The following HECA variants were observed in gnomAD, a reference collection of about 807,000 sequenced individuals.
The protein encoded by HECA is HECA ribonucleoprotein granule regulator.
Under a neutral mutation model 37.6 loss-of-function variants are expected in HECA, and 13 were observed. The ratio of observed to expected loss-of-function variants is 0.35; its 90% CI spans 0.23 to 0.55. HECA has a LOEUF of 0.55. Ranked by LOEUF, HECA falls within the 20% of genes least tolerant of loss-of-function variation. The pLI is 0.90. For missense variants in HECA, 527 were observed against 701.9 expected (o/e 0.75, Z 2.82); for synonymous variants, 307 against 291.5 (o/e 1.05, Z -0.54).
intron 1 of HECA, among the ~76,000 whole-genome samples, chr6:139,137,333 G>A (rs1774460092): frequency 6.6e-6 from 1 of 152,068 alleles, no homozygotes; most frequent in East Asian, 1.9e-4. Flanking sequence ...AAATTACCCT[G>A]GCTCCCTCCT....
At chr6:139,170,665 G>A (rs1286521224) in intron 2 of HECA, 1 of 152,224 alleles carries the variant, frequency 6.6e-6, no homozygotes, top group Non-Finnish European at 1.5e-5. Context: ...TCTAGAGTGG[G>A]AAAGGAGTAG....
At chr6:139,145,033 C>G (rs991013774) in intron 1 of HECA, among the ~76,000 whole-genome samples, 8 of 152,176 alleles carry the variant, frequency 5.3e-5, no homozygotes, top group Non-Finnish European at 7.3e-5. Flanking sequence ...TTTTTCGTAC[C>G]TAGGTAGAAA....
intron 3 of HECA, among the ~76,000 whole-genome samples, chr6:139,174,851 A>G (rs1450902459): frequency 6.6e-6 from 1 of 152,172 alleles, no homozygotes; most frequent in Admixed American, 6.5e-5. Context: ...CTGTTACCAG[A>G]TGGTCTCAGT....
At position 139,180,034 on chromosome 6, in the gene HECA, T is replaced by G. The variant is rs931503395; in HGVS notation, c.*2929T>G. The G allele has an allele frequency of 6.6e-6, 1 of 152,234 alleles. No individual in the cohort carries two copies. The highest frequency in any genetic ancestry group is 2.4e-5 in the African/African-American group (1 of 41,466). The allele number at this position is 152,234 out of a possible 1,614,324, so 9.4% of individuals were successfully genotyped here. A position where few individuals can be genotyped will look rare whatever the true frequency, so the allele number is the denominator to read the frequency against. ...CAGGCCATCTCACCTCTTCATTCTC[T>G]TGTTACATTTGAAGCAGTTGATATA... is the stretch of plus-strand genomic sequence containing the variant. On this transcript the variant is annotated 3_prime_UTR_variant, in exon 4 of 4. Coordinates refer to ENST00000367658, the MANE Select transcript of HECA (RefSeq NM_016217.3).
In HECA at chr6:139,178,422, GA is replaced by G. The variant is rs777198169; in HGVS notation, c.*1319del. The G allele has an allele frequency of 2.0e-5, 3 of 151,230 alleles. No individual in the cohort carries two copies. The highest frequency in any genetic ancestry group is 4.4e-5 in the Non-Finnish European group (3 of 67,936). The allele number at this position is 151,230 out of a possible 1,614,324, so 9.4% of individuals were successfully genotyped here. On this transcript the variant is annotated 3_prime_UTR_variant, in exon 4 of 4. Coordinates refer to ENST00000367658, the MANE Select transcript of HECA (RefSeq NM_016217.3). ...TGTATGATGTGCATATATGCTAAAA[GA>G]ATGCAGAAAATCATTTTATGAATAG... is the stretch of plus-strand genomic sequence containing the variant.
chr6:139,137,414 T>C (rs1255096917), intron 1 of HECA, among the ~76,000 whole-genome samples: 1 of 152,186 alleles, frequency 6.6e-6, no homozygotes, highest in Non-Finnish European at 1.5e-5. Flanking sequence ...AAAGGTTACA[T>C]ATATAATGAG....
intron 1 of HECA, among the ~76,000 whole-genome samples, chr6:139,156,842 A>T (rs924817379): frequency 6.6e-6 from 1 of 152,204 alleles, no homozygotes; most frequent in African/African-American, 2.4e-5. Flanking sequence ...TGCTTCATGA[A>T]TCTCTGTTAC....
rs1582936943 is a variant in HECA at position 139,147,038 on chromosome 6, T to G, written c.271+11371T>G. On this transcript the variant is annotated intron_variant, in intron 1 of 3. Transcript: ENST00000367658. The stretch of plus-strand genomic sequence containing the variant: ...GCCACAGCTCCCCTTTTTGAGTGTT[T>G]AGTAGGAGTCAGGTGTGACACCTGC... Among the ~76,000 whole-genome samples, 4 of 152,180 alleles carry G rather than the reference T, an allele frequency of 2.6e-5. No individual in the cohort carries two copies. The South Asian group carries it at 8.3e-4, about 32-fold the overall frequency.
At chr6:139,146,877 A>G (rs1159063040) in intron 1 of HECA, among the ~76,000 whole-genome samples, 1 of 152,200 alleles carries the variant, frequency 6.6e-6, no homozygotes, top group Admixed American at 6.5e-5. Context: ...TGTTAGGCAT[A>G]TAGTTTTAGT....
intron 1 of HECA, among the ~76,000 whole-genome samples, chr6:139,161,756 G>A (rs974763341): frequency 2.7e-4 from 41 of 152,238 alleles, no homozygotes; most frequent in African/African-American, 8.9e-4. Flanking sequence ...GATTTTATTG[G>A]TCTTGGGTTA....
At chr6:139,169,506 C>CT (rs1774942709) in intron 2 of HECA, 1 of 152,166 alleles carries the variant, frequency 6.6e-6, no homozygotes, top group South Asian at 2.1e-4. Context: ...AGAGAGTAGT[C>CT]TCTTTCATTT....
chr6:139,175,380 A>T (rs1030942915), intron 3 of HECA, among the ~76,000 whole-genome samples: 10 of 152,106 alleles, frequency 6.6e-5, no homozygotes, highest in Non-Finnish European at 1.5e-4. Flanking sequence ...GCATAGTTTT[A>T]TGTCTTTAGC....
At position 139,167,337 on chromosome 6, in the gene HECA, A is replaced by C. The variant is rs1038758816; in HGVS notation, c.1312+13A>C. On this transcript the variant is annotated intron_variant, in intron 2 of 3. Coordinates refer to ENST00000367658, the MANE Select transcript of HECA (RefSeq NM_016217.3). ...TGTCACCTTCAAGGTATAGGTGTTA[A>C]TTCACCTTGCCTGCTTTCTGTTTGT... 6.5e-7 allele frequency: 1 copy of C among 1,530,022 alleles called. No individual in the cohort carries two copies. The highest frequency in any genetic ancestry group is 1.8e-5 in the Admixed American group (1 of 54,984). 94.8% of individuals were successfully genotyped at this position (1,530,022 alleles called of 1,614,324 possible).
At chr6:139,173,309 C>T (rs1188192536) in intron 2 of HECA, among the ~76,000 whole-genome samples, 2 of 152,180 alleles carry the variant, frequency 1.3e-5, no homozygotes, top group African/African-American at 4.8e-5. Context: ...TTTCCACATC[C>T]CAGACACTGT....
intron 1 of HECA, among the ~76,000 whole-genome samples, chr6:139,142,718 C>G (rs1330496976): frequency 6.6e-6 from 1 of 152,096 alleles, no homozygotes; most frequent in Non-Finnish European, 1.5e-5. Context: ...GAGGCCGAGA[C>G]GGGCGGATCA....
chr6:139,141,919 ATTTTTTTT>A (rs11345845), intron 1 of HECA, among the ~76,000 whole-genome samples: 11 of 48,784 alleles, frequency 2.3e-4, no homozygotes, highest in African/African-American at 6.7e-4. Context: ...TGCCCAGCTA[ATTTTTTTT>A]TTTTTTTTTT....
intron 1 of HECA, among the ~76,000 whole-genome samples, chr6:139,147,941 G>A (rs1362287827): frequency 1.3e-5 from 2 of 152,182 alleles, no homozygotes; most frequent in South Asian, 2.1e-4. Flanking sequence ...TGGTGGTGCA[G>A]TTCCTTCGCA....
At chr6:139,156,800 C>T (rs968964838) in intron 1 of HECA, among the ~76,000 whole-genome samples, 16 of 152,340 alleles carry the variant, frequency 1.1e-4, no homozygotes, top group African/African-American at 3.4e-4. Context: ...GTAAGTTCTT[C>T]AGGACCATGT....
intron 2 of HECA, among the ~76,000 whole-genome samples, chr6:139,168,231 T>A (rs184194863): frequency 1.0e-3 from 158 of 152,288 alleles, no homozygotes; most frequent in African/African-American, 3.3e-3. Context: ...GGTGGATGAC[T>A]GTGCATCCCC....
Sources: allele counts gnomAD v4.1 joint callset (sites outside exome capture counted in the v4.1 genomes callset), GRCh38; gene constraint gnomAD v4.1.1; transcripts MANE v1.5; gene names NCBI Gene and HGNC (gene_info 2026-07-23, HGNC 2026-07-21).